Variants in ASAP1 observed in about 807,000 individuals in gnomAD.
ASAP1 encodes arf-GAP with SH3 domain, ANK repeat and PH domain-containing protein 1.
In ASAP1, 43 loss-of-function variants were observed where a neutral mutation model predicts 145.2. The ratio of observed to expected loss-of-function variants is 0.30; its 90% CI spans 0.23 to 0.38. The LOEUF (loss-of-function observed/expected upper bound fraction) is 0.38. ASAP1 is among the 10% of genes least tolerant of loss of function. ASAP1 has a pLI of 1.00. For missense variants in ASAP1, 1,018 were observed against 1,355.3 expected, an observed-to-expected ratio of 0.75 and a Z score of 3.91; for synonymous variants, 546 against 515.5, an observed-to-expected ratio of 1.06 and a Z score of -0.80.
chr8:130,344,213 A>T (rs1345207930), intron 3 of ASAP1, among the ~76,000 whole-genome samples: 1 of 152,242 alleles, frequency 6.6e-6, no homozygotes, highest in Non-Finnish European at 1.5e-5. Context: ...GATTAAAAGA[A>T]ATTTGAAATA....
chr8:130,349,681 A>T (rs1825889309), intron 3 of ASAP1, among the ~76,000 whole-genome samples: 1 of 152,196 alleles, frequency 6.6e-6, no homozygotes, highest in Non-Finnish European at 1.5e-5. Context: ...CTCTCCATGA[A>T]GGAATGCTTC....
At chr8:130,413,526 T>A (rs1829352473) in intron 1 of ASAP1, among the ~76,000 whole-genome samples, 1 of 152,192 alleles carries the variant, frequency 6.6e-6, no homozygotes, top group African/African-American at 2.4e-5. Flanking sequence ...CAAAGACATC[T>A]CAGAATCAAA....
At chr8:130,374,270 T>C (rs554920135) in intron 2 of ASAP1, among the ~76,000 whole-genome samples, 33 of 152,378 alleles carry the variant, frequency 2.2e-4, no homozygotes, top group African/African-American at 7.9e-4. Flanking sequence ...AGCCCATAAA[T>C]GTTCTTTCAA....
intron 5 of ASAP1, among the ~76,000 whole-genome samples, chr8:130,204,205 G>A (rs553338818): frequency 6.6e-6 from 1 of 152,292 alleles, no homozygotes; most frequent in East Asian, 1.9e-4. Flanking sequence ...GCATATGCAA[G>A]GGATCTAGGT....
intron 13 of ASAP1, among the ~76,000 whole-genome samples, chr8:130,144,047 A>G (rs928158938): frequency 6.6e-6 from 1 of 152,246 alleles, no homozygotes; most frequent in Admixed American, 6.5e-5. Flanking sequence ...TTCCTATGCT[A>G]GTGTCTGAAA....
chr8:130,380,227 C>G (rs1394366291), intron 2 of ASAP1, among the ~76,000 whole-genome samples: 1 of 152,190 alleles, frequency 6.6e-6, no homozygotes, highest in Non-Finnish European at 1.5e-5. Context: ...AATGGGTGTA[C>G]TGCAGAGCAG....
At chr8:130,233,580 A>G (rs567150529) in intron 4 of ASAP1, among the ~76,000 whole-genome samples, 2 of 152,072 alleles carry the variant, frequency 1.3e-5, no homozygotes, top group Non-Finnish European at 2.9e-5. Context: ...AATGAATATC[A>G]TTTCCTCCAA....
intron 1 of ASAP1, among the ~76,000 whole-genome samples, chr8:130,409,461 T>C (rs1586993418): frequency 1.3e-5 from 2 of 152,238 alleles, no homozygotes; most frequent in East Asian, 3.9e-4. Flanking sequence ...CCAGGTAACT[T>C]TGGACTCCTG....
chr8:130,181,721 T>A (rs1167539932), intron 7 of ASAP1, among the ~76,000 whole-genome samples: 5 of 152,198 alleles, frequency 3.3e-5, no homozygotes, highest in Non-Finnish European at 1.5e-5. Context: ...ACATTAAACA[T>A]ACAGTAGCTG....
At chr8:130,366,178 C>T (rs1403245399) in intron 2 of ASAP1, among the ~76,000 whole-genome samples, 5 of 152,244 alleles carry the variant, frequency 3.3e-5, no homozygotes, top group East Asian at 3.9e-4. Context: ...CAGAAACTCC[C>T]GTCTACAACA....
intron 23 of ASAP1, chr8:130,112,532 A>T (rs543353824): frequency 2.0e-6 from 1 of 506,204 alleles, no homozygotes; most frequent in East Asian, 3.4e-5. Context: ...ACTATGAATA[A>T]TCACACTAGT....
intron 3 of ASAP1, among the ~76,000 whole-genome samples, chr8:130,301,119 C>G (rs1232768711): frequency 1.3e-5 from 2 of 152,176 alleles, no homozygotes; most frequent in Non-Finnish European, 2.9e-5. Flanking sequence ...CCAGCATAAG[C>G]AGAGGACATG....
At chr8:130,411,812 T>C (rs192523272) in intron 1 of ASAP1, among the ~76,000 whole-genome samples, 86 of 152,316 alleles carry the variant, frequency 5.6e-4, no homozygotes, top group African/African-American at 2.0e-3. Context: ...ATGTTTTATG[T>C]GGCTGGAAAT....
Position 130,058,036 on chromosome 8 carries a change from C to G in ASAP1, c.3233G>C (p.Cys1078Ser). 6.2e-7 allele frequency: 1 copy of G among 1,614,238 alleles called. No homozygotes were observed. The highest frequency in any genetic ancestry group is 8.5e-7 in the Non-Finnish European group (1 of 1,180,034). Residue 1078 changes from cysteine (C) to serine (S), a missense_variant, in exon 29 of 30, where the codon TGC becomes TCC. By Grantham distance (112) the Cys-to-Ser change is moderately radical (BLOSUM62 -1). This residue lies in a region of ASAP1 where 62 missense variants were observed against 97.8 expected (regional missense o/e 0.63). Coordinates refer to ENST00000518721, the MANE Select transcript of ASAP1 (RefSeq NM_018482.4). ...KVRRVKTIYD[C>S]QADNDDELTF... ...GAGCTCGTCATCGTTGTCTGCCTGG[C>G]AGTCATAAATGGTCTTCACTCGCCT...
At chr8:130,361,966 T>C (rs1329497343) in intron 2 of ASAP1, among the ~76,000 whole-genome samples, 3 of 152,162 alleles carry the variant, frequency 2.0e-5, no homozygotes, top group South Asian at 2.1e-4. Context: ...TCAGCACTCT[T>C]GTCCTCCTCA....
intron 3 of ASAP1, among the ~76,000 whole-genome samples, chr8:130,352,932 C>T (rs1458953067): frequency 2.6e-5 from 4 of 152,190 alleles, no homozygotes; most frequent in Non-Finnish European, 4.4e-5. Flanking sequence ...ACTTGATTTC[C>T]AGTTTCCATA....
At chr8:130,098,712 GTGTATAA>G (rs2097523443) in intron 24 of ASAP1, among the ~76,000 whole-genome samples, 1 of 152,150 alleles carries the variant, frequency 6.6e-6, no homozygotes. Context: ...TTCAATACAT[GTGTATAA>G]TGTGTAATGA....
chr8:130,405,325 T>C (rs1365501620), intron 1 of ASAP1, among the ~76,000 whole-genome samples: 1 of 152,134 alleles, frequency 6.6e-6, no homozygotes, highest in African/African-American at 2.4e-5. Context: ...CAAGACAGTG[T>C]GTGGCAGAAC....
chr8:130,424,821 G>A (rs1829853651), intron 1 of ASAP1, among the ~76,000 whole-genome samples: 1 of 151,910 alleles, frequency 6.6e-6, no homozygotes, highest in African/African-American at 2.4e-5. Context: ...ATGAAACCCT[G>A]TCTCTACTAA....
Sources: gnomAD v4.1 joint callset for allele counts (sites outside exome capture counted in the v4.1 genomes callset) on GRCh38, gnomAD v4.1.1 for gene constraint, gnomAD v4.1.1 regional missense constraint, MANE v1.5 for transcripts, NCBI Gene and HGNC (gene_info 2026-07-23, HGNC 2026-07-21) for gene names.